The following DNAJA3 variants were observed in gnomAD, a reference collection of about 807,000 sequenced individuals.
DNAJA3 encodes the protein DnaJ heat shock protein family (Hsp40) member A3, also known as dnaJ homolog subfamily A member 3, mitochondrial.
DNAJA3 carries 29 observed loss-of-function variants against 54.9 expected under a neutral mutation model. The observed-to-expected ratio is 0.53, with a 90% CI of 0.39 to 0.72. The LOEUF is 0.72. Among genes scored for constraint, DNAJA3 ranks in the 30% least tolerant of loss-of-function variants. The pLI is 0.00. For synonymous variants in DNAJA3, 302 were observed against 251.4 expected, an observed-to-expected ratio of 1.20 and a Z score of -1.90; for missense variants, 708 against 639.4, an observed-to-expected ratio of 1.11 and a Z score of -1.16.
intron 1 of DNAJA3, chr16:4,434,052 G>A (rs900898146): frequency 6.9e-6 from 2 of 291,376 alleles, no homozygotes; most frequent in Admixed American, 1.0e-4. Context: ...TGGCGGAAGG[G>A]GAAGCAAACA....
At chr16:4,438,846 TAGA>T (rs762030968) in intron 3 of DNAJA3, among the ~76,000 whole-genome samples, 47 of 152,222 alleles carry the variant, frequency 3.1e-4, no homozygotes, top group Middle Eastern at 3.4e-3. Flanking sequence ...GACAGCCACG[TAGA>T]AGAACAGGCT....
chr16:4,448,986 A>G (rs769956301), intron 9 of DNAJA3, 138 bp downstream of exon 9: 21 of 631,038 alleles, frequency 3.3e-5, no homozygotes, highest in Non-Finnish European at 4.8e-5. Flanking sequence ...TAAAGTGGAC[A>G]TAGTAGAATG....
At position 4,456,612 on chromosome 16, in the gene DNAJA3, C is replaced by T. The variant is rs918449810; in HGVS notation, c.*1080C>T. The T allele has an allele frequency of 6.6e-6, 1 of 152,568 alleles. No homozygotes were observed. The highest frequency in any genetic ancestry group is 1.5e-5 in the Non-Finnish European group (1 of 68,032). 9.5% of individuals were successfully genotyped at this position (152,568 alleles called of 1,614,324 possible). On this transcript the variant is annotated 3_prime_UTR_variant, in exon 12 of 12. Coordinates refer to ENST00000262375, the MANE Select transcript of DNAJA3 (RefSeq NM_005147.6). ...ATGTGTTTCAGGATCTTCGGGCTGT[C>T]GTTAGACAGGTTAATGAAGAACACT...
chr16:4,444,565 A>G (rs1208230208), intron 6 of DNAJA3, 99 bp from the exon 7 acceptor site: 14 of 985,822 alleles, frequency 1.4e-5, no homozygotes, highest in Non-Finnish European at 2.2e-5. Flanking sequence ...CGATCTCTTG[A>G]CGTCATGATC....
At chr16:4,428,177 T>C (rs1308305780) in intron 1 of DNAJA3, among the ~76,000 whole-genome samples, 4 of 151,984 alleles carry the variant, frequency 2.6e-5, no homozygotes, top group Non-Finnish European at 5.9e-5. Context: ...GGTCTCGATC[T>C]CCTGAACTTG....
At chr16:4,445,746 T>C (rs1454841140) in intron 7 of DNAJA3, among the ~76,000 whole-genome samples, 1 of 151,684 alleles carries the variant, frequency 6.6e-6, no homozygotes, top group Non-Finnish European at 1.5e-5. Flanking sequence ...AAGATGAGGT[T>C]TCACCATGTT....
rs571087822 is a variant in DNAJA3, at chr16:4,436,578, C to T, written c.346-824C>T. On this transcript the variant is annotated intron_variant, in intron 2 of 11. Coordinates refer to ENST00000262375, the MANE Select transcript of DNAJA3 (RefSeq NM_005147.6). ...TCAGACAGAGTCTCGCCGTGTGGCT[C>T]AGGCTGGAGTGCAGTGGTGCAGTCT... Among the ~76,000 whole-genome samples, 5 of 152,276 alleles carry T rather than the reference C, an allele frequency of 3.3e-5. No individual in the cohort carries two copies. The East Asian group carries it at 7.7e-4, about 23-fold the overall frequency.
At position 4,444,651 on chromosome 16, in the gene DNAJA3, A is replaced by T; in HGVS notation, c.932-13A>T. The T allele has an allele frequency of 6.2e-7, 1 of 1,613,502 alleles. No homozygotes were observed. Among genetic ancestry groups the T allele is most frequent in the East Asian group, 2.2e-5 (1 of 44,864 alleles). On this transcript the variant is annotated splice_polypyrimidine_tract_variant and intron_variant, in intron 6 of 11. Coordinates refer to ENST00000262375, the MANE Select transcript of DNAJA3 (RefSeq NM_005147.6). ...GTCCTGCCTAACTTCTCCCTTTCTA[A>T]TGTCCCTTGTAGGAGTCGAGGATGG...
chr16:4,430,279 T>C (rs894129507), intron 1 of DNAJA3, among the ~76,000 whole-genome samples: 2 of 151,756 alleles, frequency 1.3e-5, no homozygotes, highest in African/African-American at 4.8e-5. Flanking sequence ...AGAAAGCAGT[T>C]GTTGGTGGCC....
intron 7 of DNAJA3, among the ~76,000 whole-genome samples, chr16:4,445,256 G>A (rs547839278): frequency 5.9e-5 from 9 of 152,342 alleles, no homozygotes; most frequent in Admixed American, 2.6e-4. Context: ...TCAGTGAGCC[G>A]TGGTGGTCAG....
chr16:4,428,697 C>T (rs2056653792), intron 1 of DNAJA3, among the ~76,000 whole-genome samples: 1 of 152,126 alleles, frequency 6.6e-6, no homozygotes, highest in Non-Finnish European at 1.5e-5. Context: ...GTAGTGTACA[C>T]AGGTGAGAGG....
At chr16:4,439,662 G>A (rs71388579) in intron 3 of DNAJA3, among the ~76,000 whole-genome samples, 1 of 152,186 alleles carries the variant, frequency 6.6e-6, no homozygotes, top group African/African-American at 2.4e-5. Context: ...TGTCTTCAAG[G>A]GGGATGTTAT....
chr16:4,439,067 T>G (rs1408286782), intron 3 of DNAJA3, among the ~76,000 whole-genome samples: 1 of 151,796 alleles, frequency 6.6e-6, no homozygotes, highest in African/African-American at 2.4e-5. Context: ...CCAGGTGCAG[T>G]GGCTTACGTC....
At chr16:4,434,806 A>G (rs1335867295) in intron 2 of DNAJA3, among the ~76,000 whole-genome samples, 1 of 151,316 alleles carries the variant, frequency 6.6e-6, no homozygotes, top group Non-Finnish European at 1.5e-5. Context: ...GAATCAGTAG[A>G]TATGCTAGTC....
intron 9 of DNAJA3, 26 bp from the exon 10 acceptor site, chr16:4,450,374 G>A: frequency 6.4e-7 from 1 of 1,569,446 alleles, no homozygotes; most frequent in Non-Finnish European, 8.6e-7. Context: ...CGGAAGCCTT[G>A]GCTGCTGACT....
chr16:4,429,775 C>A (rs534100708), intron 1 of DNAJA3, among the ~76,000 whole-genome samples: 2 of 151,554 alleles, frequency 1.3e-5, no homozygotes, highest in Non-Finnish European at 2.9e-5. Context: ...CGGAGGTTGC[C>A]GTGAGCCGAG....
At chr16:4,434,350 C>T in intron 1 of DNAJA3, 34 bp from the exon 2 acceptor site, 1 of 1,607,402 alleles carries the variant, frequency 6.2e-7, no homozygotes, top group Non-Finnish European at 8.5e-7. Context: ...TGAGAACATT[C>T]CCAGAGTGAT....
chr16:4,454,170 G>C (rs1308199489), intron 10 of DNAJA3, among the ~76,000 whole-genome samples: 1 of 152,206 alleles, frequency 6.6e-6, no homozygotes, highest in African/African-American at 2.4e-5. Flanking sequence ...CTGTGACAAA[G>C]GATTGTGCGT....
chr16:4,444,636 A>T lies in DNAJA3; in HGVS notation c.932-28A>T, dbSNP rs766073992. ...GGCGTGAGCCACCGCGTCCTGCCTAACTTCTCCCTTTCTAATGTCCCTTGT... is the reference window on the plus strand; with the variant it reads ...GGCGTGAGCCACCGCGTCCTGCCTATCTTCTCCCTTTCTAATGTCCCTTGT... On this transcript the variant is annotated intron_variant, in intron 6 of 11. Transcript: ENST00000262375. The T allele has an allele frequency of 6.8e-6, 11 of 1,610,860 alleles. No individual in the cohort carries two copies. The East Asian group carries it at 2.5e-4, about 36-fold the overall frequency.
Sources: allele counts gnomAD v4.1 joint callset (sites outside exome capture counted in the v4.1 genomes callset), GRCh38; gene constraint gnomAD v4.1.1; transcripts MANE v1.5; gene names NCBI Gene and HGNC (gene_info 2026-07-23, HGNC 2026-07-21).